The following CREB5 variants were observed in gnomAD, a reference collection of about 807,000 sequenced individuals.
CREB5 encodes cAMP responsive element binding protein 5, also known as cyclic AMP-responsive element-binding protein 5.
A neutral mutation model predicts 57.1 loss-of-function variants in CREB5; 19 were observed. The observed-to-expected ratio is 0.33, with a 90% CI of 0.23 to 0.49. CREB5 has a LOEUF of 0.49. Ranked by LOEUF, CREB5 falls within the 20% of genes least tolerant of loss-of-function variation. The pLI, the probability that CREB5 is intolerant of heterozygous loss-of-function variation, is 0.99. For synonymous variants in CREB5, 238 were observed against 238.3 expected (o/e 1.00, Z 0.01); for missense variants, 579 against 671.6 (o/e 0.86, Z 1.52).
At chr7:28,580,045 G>A (rs776087610) in intron 5 of CREB5, among the ~76,000 whole-genome samples, 3 of 152,150 alleles carry the variant, frequency 2.0e-5, no homozygotes, top group Non-Finnish European at 4.4e-5. Context: ...TATTGTTTGG[G>A]TTGTGGGAGG....
At chr7:28,811,419 A>G (rs1809113860) in intron 9 of CREB5, among the ~76,000 whole-genome samples, 1 of 152,158 alleles carries the variant, frequency 6.6e-6, no homozygotes, top group Admixed American at 6.6e-5. Context: ...GACTTGTCTC[A>G]AAAAAGACAG....
At chr7:28,738,159 A>C (rs1463266544) in intron 7 of CREB5, among the ~76,000 whole-genome samples, 1 of 152,194 alleles carries the variant, frequency 6.6e-6, no homozygotes, top group Non-Finnish European at 1.5e-5. Context: ...TGTCTGTGCA[A>C]ATTACTTTGA....
At chr7:28,622,664 G>T (rs576462565) in intron 5 of CREB5, among the ~76,000 whole-genome samples, 106 of 152,188 alleles carry the variant, frequency 7.0e-4, no homozygotes, top group African/African-American at 2.5e-3. Flanking sequence ...GAGGCTCAGA[G>T]ATGTTCAATG....
At chr7:28,367,391 A>G (rs966913087) in intron 1 of CREB5, among the ~76,000 whole-genome samples, 1 of 152,170 alleles carries the variant, frequency 6.6e-6, no homozygotes. Flanking sequence ...GTTCCTCCAC[A>G]ATCTCCCACA....
At chr7:28,474,497 C>T (rs1043443089) in intron 1 of CREB5, among the ~76,000 whole-genome samples, 14 of 151,974 alleles carry the variant, frequency 9.2e-5, no homozygotes, top group African/African-American at 1.7e-4. Flanking sequence ...TGGTGGTTTG[C>T]GAAGAAAGGA....
intron 1 of CREB5, among the ~76,000 whole-genome samples, chr7:28,407,262 G>A (rs1230554836): frequency 1.3e-5 from 2 of 152,118 alleles, no homozygotes; most frequent in Non-Finnish European, 2.9e-5. Flanking sequence ...TGTTGGTCAG[G>A]CTGGTCTCGA....
At chr7:28,483,705 A>G (rs1186635688) in intron 1 of CREB5, among the ~76,000 whole-genome samples, 2 of 152,188 alleles carry the variant, frequency 1.3e-5, no homozygotes, top group Non-Finnish European at 2.9e-5. Context: ...AATAGACTGG[A>G]CTTTAATGAT....
intron 1 of CREB5, among the ~76,000 whole-genome samples, chr7:28,363,197 C>T (rs187711414): frequency 1.2e-3 from 176 of 152,264 alleles, no homozygotes; most frequent in African/African-American, 3.9e-3. Context: ...TAGTGACATC[C>T]TGGGGACAAC....
chr7:28,679,345 A>T (rs1800479684), intron 5 of CREB5, among the ~76,000 whole-genome samples: 2 of 152,136 alleles, frequency 1.3e-5, no homozygotes, highest in Admixed American at 6.5e-5. Context: ...TGGCAGCCCC[A>T]AGTTTTCCTC....
rs1334078041 is a variant in CREB5, at chr7:28,560,819, TGTGC to T, written c.292-9544_292-9541del. Among the ~76,000 whole-genome samples the T allele has an allele frequency of 1.6e-4, 10 of 62,416 alleles. 2 individuals carry two copies. Among genetic ancestry groups the T allele is most frequent in the Admixed American group, 3.0e-4 (2 of 6,756 alleles). The allele number at this position is 62,416 out of a possible 152,430, so 40.9% of individuals were successfully genotyped here. On this transcript the variant is annotated intron_variant, in intron 4 of 10. Transcript: ENST00000357727. ...CACAGTGTGTGTGCGCGTGTGTGTG[TGTGC>T]GCGCGCGCGCGTGTGTGTGTGCGCG...
At chr7:28,384,325 G>GCT (rs1299145826) in intron 1 of CREB5, among the ~76,000 whole-genome samples, 1 of 152,178 alleles carries the variant, frequency 6.6e-6, no homozygotes, top group Admixed American at 6.5e-5. Context: ...CGCATTCAAA[G>GCT]CTCACAGTAT....
rs1808577016 is a variant in CREB5 at position 28,804,458 on chromosome 7, A to T, written c.962A>T (p.His321Leu). ...HPHHHSHSHL[H>L]AHPAHHQTSP... ...CATCACCACTCCCATTCCCACCTTC[A>T]TGCACACCCAGCACATCACCAGACC... Residue 321 changes from histidine (H) to leucine (L), a missense_variant, in exon 8 of 11, where the codon CAT (histidine) becomes CTT (leucine). Coordinates refer to ENST00000357727, the MANE Select transcript of CREB5 (RefSeq NM_182898.4). The T allele has an allele frequency of 3.7e-6, 6 of 1,613,972 alleles. No homozygotes were observed. Among genetic ancestry groups the T allele is most frequent in the Non-Finnish European group, 5.1e-6 (6 of 1,179,990 alleles).
chr7:28,364,444 C>T (rs1786548815), intron 1 of CREB5, among the ~76,000 whole-genome samples: 1 of 152,190 alleles, frequency 6.6e-6, no homozygotes, highest in Non-Finnish European at 1.5e-5. Context: ...GTGTCAACAA[C>T]ATGTATCTTC....
At position 28,601,931 on chromosome 7, in the gene CREB5, G is replaced by GT. The variant is rs1434999261; in HGVS notation, c.464+31399dup. On this transcript the variant is annotated intron_variant, in intron 5 of 10. Transcript: ENST00000357727. ...TTTGGACAGAAAGCTTTTGCTAGAG[G>GT]TTTTTCTAAGTACAATAAGATTAAG... Among the ~76,000 whole-genome samples, 23 of 152,002 alleles carry GT rather than the reference G, an allele frequency of 1.5e-4. 1 individual carries two copies. Among genetic ancestry groups the GT allele is most frequent in the Admixed American group, 1.0e-3 (16 of 15,266 alleles).
chr7:28,727,163 T>A (rs2128750257), intron 7 of CREB5, among the ~76,000 whole-genome samples: 1 of 152,114 alleles, frequency 6.6e-6, no homozygotes, highest in African/African-American at 2.4e-5. Flanking sequence ...GCCACATCTG[T>A]CCAAGCTATT....
intron 9 of CREB5, among the ~76,000 whole-genome samples, chr7:28,813,153 C>T (rs1036501730): frequency 6.6e-6 from 1 of 152,186 alleles, no homozygotes; most frequent in African/African-American, 2.4e-5. Flanking sequence ...CCTAATGTCA[C>T]ACAACAAGTA....
chr7:28,809,473 C>A, intron 9 of CREB5, 59 bp downstream of exon 9: 2 of 1,473,962 alleles, frequency 1.4e-6, no homozygotes, highest in Non-Finnish European at 1.8e-6. Flanking sequence ...CGGGCATTTC[C>A]GGCCCTGACA....
intron 1 of CREB5, among the ~76,000 whole-genome samples, chr7:28,371,809 C>A (rs1008243199): frequency 7.4e-6 from 1 of 134,908 alleles, no homozygotes; most frequent in Admixed American, 7.7e-5. Flanking sequence ...CCAGTGGGAG[C>A]CCCGAGGGCA....
intron 5 of CREB5, among the ~76,000 whole-genome samples, chr7:28,647,319 C>A (rs945775425): frequency 1.3e-5 from 2 of 151,888 alleles, no homozygotes; most frequent in African/African-American, 4.8e-5. Flanking sequence ...GGTGGAGCAT[C>A]CAATTGACCA....
Sources: gnomAD v4.1 joint callset for allele counts (sites outside exome capture counted in the v4.1 genomes callset) on GRCh38, gnomAD v4.1.1 for gene constraint, MANE v1.5 for transcripts, NCBI Gene and HGNC (gene_info 2026-07-23, HGNC 2026-07-21) for gene names.